Variants in PTPRM observed in about 807,000 individuals in gnomAD.
The protein encoded by PTPRM is protein tyrosine phosphatase receptor type M.
A neutral mutation model predicts 186.7 loss-of-function variants in PTPRM; 47 were observed. The observed-to-expected ratio is 0.25, with a 90% CI of 0.20 to 0.32. PTPRM has a LOEUF of 0.32. Among genes scored for constraint, PTPRM ranks in the 10% least tolerant of loss-of-function variants. PTPRM has a pLI of 1.00. For synonymous variants in PTPRM, 668 were observed against 674.9 expected (o/e 0.99, Z 0.16); for missense variants, 1,494 against 1,865.0 (o/e 0.80, Z 3.66).
intron 20 of PTPRM, among the ~76,000 whole-genome samples, chr18:8,300,881 C>T (rs1232140623): frequency 1.3e-5 from 2 of 152,196 alleles, no homozygotes; most frequent in Admixed American, 1.3e-4. Flanking sequence ...ATCCGTGTTA[C>T]CCCTTCCTCT....
chr18:8,089,223 C>A lies in PTPRM; in HGVS notation c.1856+372C>A, dbSNP rs1435570826. 2.6e-5 allele frequency among the ~76,000 whole-genome samples: 4 copies of A among 152,034 alleles called. No individual in the cohort carries two copies. In the East Asian group the frequency reaches 7.7e-4, roughly 29 times the overall value. The stretch of plus-strand genomic sequence containing the variant: ...CTTTGAATGGATGTTTCGATTTTTT[C>A]ATTTGTGTGTTTACTTTGGGTTTTA... On this transcript the variant is annotated intron_variant, in intron 11 of 32. Transcript: ENST00000580170.
chr18:7,906,622 T>TC (rs1295437577), intron 4 of PTPRM, 39 bp downstream of exon 4: 9 of 1,444,956 alleles, frequency 6.2e-6, no homozygotes, highest in Non-Finnish European at 8.8e-6. Flanking sequence ...GGTACATCAT[T>TC]GGGGGCATGT....
intron 1 of PTPRM, among the ~76,000 whole-genome samples, chr18:7,585,377 G>A (rs1293205767): frequency 6.6e-6 from 1 of 152,172 alleles, no homozygotes; most frequent in Non-Finnish European, 1.5e-5. Context: ...AGAGAGGATT[G>A]GAAATTGCAG....
chr18:8,147,756 C>T (rs2092918390), intron 14 of PTPRM, among the ~76,000 whole-genome samples: 1 of 152,142 alleles, frequency 6.6e-6, no homozygotes, highest in Admixed American at 6.5e-5. Context: ...AACTTTTGCC[C>T]ATTCACTATG....
chr18:8,176,341 A>G (rs2093481497), intron 14 of PTPRM, among the ~76,000 whole-genome samples: 1 of 152,232 alleles, frequency 6.6e-6, no homozygotes, highest in African/African-American at 2.4e-5. Context: ...ATCTATTGCC[A>G]GTGATTTCAG....
At chr18:7,741,387 T>C (rs1391822140) in intron 1 of PTPRM, 1 of 152,164 alleles carries the variant, frequency 6.6e-6, no homozygotes, top group Admixed American at 6.5e-5. Context: ...CTCTGAAACA[T>C]TTGTCTTTTC....
chr18:8,315,496 G>A (rs2095302754), intron 21 of PTPRM, among the ~76,000 whole-genome samples: 1 of 152,154 alleles, frequency 6.6e-6, no homozygotes, highest in South Asian at 2.1e-4. Flanking sequence ...TTAGGAGACA[G>A]CATGTTTTCA....
chr18:7,599,010 G>A (rs1454771661), intron 1 of PTPRM, among the ~76,000 whole-genome samples: 2 of 151,254 alleles, frequency 1.3e-5, no homozygotes, highest in Non-Finnish European at 2.9e-5. Context: ...TCTAATTTTC[G>A]TCATTCCCAA....
intron 1 of PTPRM, among the ~76,000 whole-genome samples, chr18:7,721,208 C>T (rs1473956208): frequency 3.3e-5 from 5 of 150,260 alleles, no homozygotes; most frequent in South Asian, 4.2e-4. Context: ...TTTTGATTTG[C>T]GTTTCCCTAA....
intron 23 of PTPRM, chr18:8,365,123 A>G (rs1235859818): frequency 6.6e-6 from 1 of 152,234 alleles, no homozygotes; most frequent in African/African-American, 2.4e-5. Context: ...TTTCTGTTCC[A>G]GAGGCCAAGC....
At chr18:7,725,886 C>T (rs1264554115) in intron 1 of PTPRM, among the ~76,000 whole-genome samples, 2 of 152,188 alleles carry the variant, frequency 1.3e-5, no homozygotes, top group Non-Finnish European at 2.9e-5. Context: ...TGGGTGCAAA[C>T]GGTTGTCACA....
intron 3 of PTPRM, among the ~76,000 whole-genome samples, chr18:7,902,701 A>T (rs1237344436): frequency 3.3e-5 from 5 of 152,196 alleles, no homozygotes; most frequent in Non-Finnish European, 5.9e-5. Flanking sequence ...TAGATATTTT[A>T]TAAATATTTG....
chr18:7,713,941 C>T (rs1161817170), intron 1 of PTPRM, among the ~76,000 whole-genome samples: 1 of 152,004 alleles, frequency 6.6e-6, no homozygotes, highest in South Asian at 2.1e-4. Flanking sequence ...ACTTTAACAC[C>T]CCACTGTCAA....
intron 3 of PTPRM, among the ~76,000 whole-genome samples, chr18:7,893,168 C>G (rs956802810): frequency 1.3e-5 from 2 of 152,050 alleles, no homozygotes; most frequent in African/African-American, 4.8e-5. Flanking sequence ...AAAGCTTGTG[C>G]TTTCCTTTTT....
intron 2 of PTPRM, among the ~76,000 whole-genome samples, chr18:7,796,146 C>CA (rs143916274): frequency 0.033 from 4,959 of 151,694 alleles, 267 homozygotes; most frequent in African/African-American, 0.11. Context: ...ACAGCAATAA[C>CA]AAAGATGGTA....
At chr18:7,758,549 A>G (rs2041617510) in intron 1 of PTPRM, among the ~76,000 whole-genome samples, 1 of 152,156 alleles carries the variant, frequency 6.6e-6, no homozygotes, top group African/African-American at 2.4e-5. Flanking sequence ...ATTTGTCTGT[A>G]ATAGGATTTT....
chr18:7,803,906 AAG>A (rs777131703), intron 2 of PTPRM, among the ~76,000 whole-genome samples: 17 of 152,196 alleles, frequency 1.1e-4, no homozygotes, highest in Non-Finnish European at 2.1e-4. Context: ...AAAGAAAAAA[AAG>A]AATGTCTGTA....
rs1321006567 is a variant in PTPRM, at chr18:8,063,416, G to A, written c.1133-6270G>A. Among the ~76,000 whole-genome samples the A allele has an allele frequency of 5.3e-5, 8 of 152,052 alleles. No individual in the cohort carries two copies. The South Asian group carries it at 6.2e-4, about 12-fold the overall frequency. ...GCAGAAATCACCCGTCTTCTGCGTC[G>A]CTCACGCTGGGAGCTGTAGACCGGA... On this transcript the variant is annotated intron_variant, in intron 7 of 32. Coordinates refer to ENST00000580170, the MANE Select transcript of PTPRM (RefSeq NM_001105244.2).
intron 2 of PTPRM, among the ~76,000 whole-genome samples, chr18:7,860,006 T>G (rs2047283784): frequency 6.6e-6 from 1 of 152,212 alleles, no homozygotes; most frequent in African/African-American, 2.4e-5. Context: ...TGAGAAAATT[T>G]ATGGAGAATT....
Sources: allele counts gnomAD v4.1 joint callset (sites outside exome capture counted in the v4.1 genomes callset), GRCh38; gene constraint gnomAD v4.1.1; transcripts MANE v1.5; gene names NCBI Gene and HGNC (gene_info 2026-07-23, HGNC 2026-07-21).